The following CABLES1 variants were observed in gnomAD, a reference collection of about 807,000 sequenced individuals.
CABLES1 encodes the protein Cdk5 and Abl enzyme substrate 1, also known as CDK5 and ABL1 enzyme substrate 1.
Under a neutral mutation model 57.8 loss-of-function variants are expected in CABLES1, and 36 were observed. The ratio of observed to expected loss-of-function variants is 0.62; its 90% CI spans 0.48 to 0.82. The LOEUF (loss-of-function observed/expected upper bound fraction) is 0.82, where lower values mean the gene tolerates loss of function less well. CABLES1 is among the 40% of genes least tolerant of loss of function. The pLI is 0.00. For synonymous variants in CABLES1, 374 were observed against 363.0 expected (o/e 1.03, Z -0.35); for missense variants, 767 against 836.6 (o/e 0.92, Z 1.03).
At position 23,253,821 on chromosome 18, in the gene CABLES1, C is replaced by T; in HGVS notation, c.1646C>T (p.Ala549Val). Residue 549 changes from alanine (A) to valine (V), a missense_variant, in exon 9 of 10, where the codon GCC becomes GTC. Ala to Val is a moderately conservative substitution (Grantham distance 64). This residue lies in a region of CABLES1 where 529 missense variants were observed against 622.8 expected (regional missense o/e 0.85). Transcript: ENST00000256925. ...AMAFVYFEKLALKGKLNKQNR... is the reference protein window; with the variant it reads ...AMAFVYFEKLVLKGKLNKQNR... ...GCCTTCGTCTACTTTGAAAAGCTCG[C>T]CCTCAAGGGGAAACTCAACAAACAG... The T allele has an allele frequency of 1.2e-6, 2 of 1,614,186 alleles. No individual in the cohort carries two copies. The highest frequency in any genetic ancestry group is 2.2e-5 in the South Asian group (2 of 91,084).
chr18:23,194,819 A>G (rs144464699), intron 3 of CABLES1, among the ~76,000 whole-genome samples: 2 of 152,272 alleles, frequency 1.3e-5, no homozygotes, highest in African/African-American at 2.4e-5. Flanking sequence ...TTTTATAGAA[A>G]CCTTTGAACA....
intron 3 of CABLES1, chr18:23,197,152 C>G (rs756085154): frequency 1.3e-5 from 2 of 152,194 alleles, no homozygotes; most frequent in Non-Finnish European, 2.9e-5. Flanking sequence ...GCTTTTAAAA[C>G]TGAGAACCAG....
At chr18:23,234,550 C>G in intron 4 of CABLES1, 58 bp from the exon 5 acceptor site, 1 of 1,243,768 alleles carries the variant, frequency 8.0e-7, no homozygotes, top group Non-Finnish European at 1.2e-6. Context: ...TAAGCATCCT[C>G]ATGGCTCTTT....
chr18:23,227,710 C>G (rs559845846), intron 4 of CABLES1, among the ~76,000 whole-genome samples: 1 of 152,118 alleles, frequency 6.6e-6, no homozygotes, highest in Non-Finnish European at 1.5e-5. Context: ...AGACTTGTGT[C>G]GTCGACTTCC....
chr18:23,185,531 G>GTCTGGGC (rs1458426931), intron 1 of CABLES1, among the ~76,000 whole-genome samples: 8 of 152,180 alleles, frequency 5.3e-5, no homozygotes, highest in Non-Finnish European at 1.2e-4. Context: ...GAACCTGCCT[G>GTCTGGGC]TCTGGGCTCT....
intron 7 of CABLES1, among the ~76,000 whole-genome samples, chr18:23,250,342 G>C (rs568483915): frequency 2.6e-5 from 4 of 152,072 alleles, no homozygotes; most frequent in East Asian, 1.9e-4. Context: ...TGCCTGGATT[G>C]GGGGGTGAGG....
intron 1 of CABLES1, among the ~76,000 whole-genome samples, chr18:23,145,702 A>AT (rs2046887694): frequency 6.6e-6 from 1 of 152,198 alleles, no homozygotes; most frequent in Admixed American, 6.5e-5. Flanking sequence ...GTAATGTTGT[A>AT]TTTTTATGTT....
intron 3 of CABLES1, among the ~76,000 whole-genome samples, chr18:23,210,724 C>T (rs974457312): frequency 1.3e-5 from 2 of 152,172 alleles, no homozygotes; most frequent in African/African-American, 4.8e-5. Flanking sequence ...TGCAGTCCCT[C>T]CCAGATGCCA....
intron 7 of CABLES1, 49 bp downstream of exon 7, chr18:23,237,294 C>T (rs572528816): frequency 7.5e-7 from 1 of 1,326,232 alleles, no homozygotes; most frequent in African/African-American, 1.4e-5. Flanking sequence ...TCAGTTGCCC[C>T]ACCTGGGTTG....
At position 23,135,566 on chromosome 18, in the gene CABLES1, GCC is replaced by G; in HGVS notation, c.-196_-195del. The G allele has an allele frequency of 5.2e-6, 1 of 191,062 alleles. No homozygotes were observed. Among genetic ancestry groups the G allele is most frequent in the Non-Finnish European group, 9.6e-6 (1 of 104,320 alleles). 11.8% of individuals were successfully genotyped at this position (191,062 alleles called of 1,614,324 possible). A position where few individuals can be genotyped will look rare whatever the true frequency, so the allele number is the denominator to read the frequency against. On this transcript the variant is annotated 5_prime_UTR_variant, in exon 1 of 10. Transcript: ENST00000256925. Reference sequence around the variant, plus strand: ...GCTAGGTAGCGAGGCGTGCGCGTGGGCCGGGGCGGCGGCGCCCCCATCCCCAG... The same window carrying G: ...GCTAGGTAGCGAGGCGTGCGCGTGGGGGGGCGGCGGCGCCCCCATCCCCAG...
chr18:23,234,574 A>G (rs781354817), intron 4 of CABLES1, 34 bp from the exon 5 acceptor site: 1 of 1,551,910 alleles, frequency 6.4e-7, no homozygotes, highest in Non-Finnish European at 8.9e-7. Context: ...GTGCACACAA[A>G]AGCATTTTTT....
intron 4 of CABLES1, among the ~76,000 whole-genome samples, chr18:23,231,117 A>G (rs963362155): frequency 6.6e-6 from 1 of 152,168 alleles, no homozygotes; most frequent in Non-Finnish European, 1.5e-5. Context: ...ATAGGCAGAA[A>G]ATAGGCCACT....
At position 23,135,960 on chromosome 18, in the gene CABLES1, C is replaced by A; in HGVS notation, c.198C>A (p.Leu66=). The A allele has an allele frequency of 8.8e-7, 1 of 1,140,612 alleles. No individual in the cohort carries two copies. The highest frequency in any genetic ancestry group is 4.8e-5 in the East Asian group (1 of 20,782). The allele number at this position is 1,140,612 out of a possible 1,614,324, so 70.7% of individuals were successfully genotyped here. Residue 66 remains leucine, a synonymous_variant, in exon 1 of 10, where the codon CTC becomes CTA. Transcript: ENST00000256925. The stretch of plus-strand genomic sequence containing the variant: ...ACCCGCGGCGCCGCCAGGCTGCCCT[C>A]TCCTTCCTCACCAACATCTCGCTGG... ...RMDPRRRQAA[L]SFLTNISLDG...
rs2048189971 is a variant in CABLES1 at position 23,257,213 on chromosome 18, T to C, written c.1762-14T>C. On this transcript the variant is annotated splice_polypyrimidine_tract_variant and intron_variant, in intron 9 of 9. Transcript: ENST00000256925. ...TTCAAAATGAACATGCTTTTGATTT[T>C]CTTTTTGTTGCAGAAACTGGAAGAG... 6.2e-7 allele frequency: 1 copy of C among 1,603,810 alleles called. No individual in the cohort carries two copies. The highest frequency in any genetic ancestry group is 8.5e-7 in the Non-Finnish European group (1 of 1,177,710).
At chr18:23,250,308 C>A (rs989958157) in intron 7 of CABLES1, among the ~76,000 whole-genome samples, 2 of 149,908 alleles carry the variant, frequency 1.3e-5, no homozygotes, top group African/African-American at 5.0e-5. Flanking sequence ...AGAGTAGAAG[C>A]GGCCTGTCTC....
intron 4 of CABLES1, among the ~76,000 whole-genome samples, chr18:23,225,926 C>T (rs2047524413): frequency 6.6e-6 from 1 of 152,260 alleles, no homozygotes; most frequent in Admixed American, 6.5e-5. Context: ...TTGTGGGCTA[C>T]TGTGCCACCG....
At position 23,235,070 on chromosome 18, in the gene CABLES1, T is replaced by C. The variant is rs28403533; in HGVS notation, c.1185+366T>C. ...TACTAGAAAGTGTCATAGCTTCCCA[T>C]GGTCCTGGGAAGCTAAGAGACCCTC... On this transcript the variant is annotated intron_variant, in intron 5 of 9. Transcript: ENST00000256925. 4.6e-3 allele frequency among the ~76,000 whole-genome samples: 705 copies of C among 152,274 alleles called. 8 individuals are homozygous for C. The highest frequency in any genetic ancestry group is 0.016 in the African/African-American group (664 of 41,554).
At chr18:23,227,570 T>A (rs990894723) in intron 4 of CABLES1, among the ~76,000 whole-genome samples, 12 of 152,304 alleles carry the variant, frequency 7.9e-5, no homozygotes, top group Admixed American at 3.3e-4. Context: ...GTCCATCAAC[T>A]GTGGACCCTG....
chr18:23,164,957 G>A (rs1031696296), intron 1 of CABLES1, among the ~76,000 whole-genome samples: 2 of 151,988 alleles, frequency 1.3e-5, no homozygotes, highest in African/African-American at 2.4e-5. Context: ...AGTTTTAGTA[G>A]AGACAGGGTT....
Sources: gnomAD v4.1 joint callset for allele counts (sites outside exome capture counted in the v4.1 genomes callset) on GRCh38, gnomAD v4.1.1 for gene constraint, gnomAD v4.1.1 regional missense constraint, MANE v1.5 for transcripts, NCBI Gene and HGNC (gene_info 2026-07-23, HGNC 2026-07-21) for gene names.